The following ST6GALNAC6 variants were observed in gnomAD, a reference collection of about 807,000 sequenced individuals.
The protein encoded by ST6GALNAC6 is alpha-N-acetylgalactosaminide alpha-2,6-sialyltransferase 6.
In ST6GALNAC6, 19 loss-of-function variants were observed where a neutral mutation model predicts 34.3. The observed-to-expected ratio is 0.55, with a 90% CI of 0.39 to 0.81. The LOEUF is 0.81. ST6GALNAC6 is among the 40% of genes least tolerant of loss of function. ST6GALNAC6 has a pLI of 0.00. For missense variants in ST6GALNAC6, 377 were observed against 467.7 expected (o/e 0.81, Z 1.79); for synonymous variants, 185 against 182.1 (o/e 1.02, Z -0.13).
upstream of ST6GALNAC6, among the ~76,000 whole-genome samples, chr9:127,902,658 G>A (rs1018211454): frequency 6.8e-6 from 1 of 147,046 alleles, no homozygotes; most frequent in African/African-American, 2.5e-5. Context: ...GCGCGATCTC[G>A]GCTCACTGCA....
At chr9:127,893,664 C>T (rs1327588502) in intron 4 of ST6GALNAC6, among the ~76,000 whole-genome samples, 1 of 152,222 alleles carries the variant, frequency 6.6e-6, no homozygotes, top group Non-Finnish European at 1.5e-5. Context: ...TCTCTCCTTT[C>T]CACATCACCC....
intron 1 of ST6GALNAC6, 108 bp downstream of exon 1, chr9:127,899,395 T>G: frequency 1.7e-6 from 1 of 599,886 alleles, no homozygotes; most frequent in Non-Finnish European, 2.1e-6. Flanking sequence ...GGGACCCGCA[T>G]CCATCCCCAT....
chr9:127,896,761 C>T, intron 2 of ST6GALNAC6: 2 of 686,308 alleles, frequency 2.9e-6, no homozygotes, highest in South Asian at 6.5e-5. Flanking sequence ...GCCTGGAACG[C>T]CCTCCCTCCT....
Position 127,890,509 on chromosome 9 carries a change from C to A in ST6GALNAC6, c.704+128G>T, listed in dbSNP as rs1265126011. ...ATGAAGAGAACTCTCCTAGGAGGCC[C>A]AACCAGAGGACGGCGGGACTTGACT... On this transcript the variant is annotated intron_variant, in intron 5 of 6. Transcript: ENST00000373146. This position sits in a 1 kb window ranked among gnomAD's most constrained non-coding sequence, Gnocchi z 4.3. 7.3e-7 allele frequency: 1 copy of A among 1,370,794 alleles called. No homozygotes were observed. The highest frequency in any genetic ancestry group is 2.3e-5 in the Admixed American group (1 of 44,390). 84.9% of individuals were successfully genotyped at this position (1,370,794 alleles called of 1,614,324 possible).
rs1251305163 is a variant in ST6GALNAC6 at position 127,899,550 on chromosome 9, A to C, written c.-77T>G. On this transcript the variant is annotated 5_prime_UTR_variant, in exon 1 of 7. The change abolishes an upstream ATG in the 5' untranslated region. Transcript: ENST00000373146. ...CCCCGCGGCCCCCGAGCCCCCTCACATGGCGCCGGGAGCCGAGCGCCGGGG... is the reference window on the plus strand; with the variant it reads ...CCCCGCGGCCCCCGAGCCCCCTCACCTGGCGCCGGGAGCCGAGCGCCGGGG... 3.1e-6 allele frequency: 3 copies of C among 980,060 alleles called. No homozygotes were observed. Among genetic ancestry groups the C allele is most frequent in the South Asian group, 9.4e-5 (2 of 21,288 alleles). The allele number at this position is 980,060 out of a possible 1,614,324, so 60.7% of individuals were successfully genotyped here.
intron 3 of ST6GALNAC6, 127 bp downstream of exon 3, chr9:127,896,115 G>C: frequency 9.0e-7 from 1 of 1,115,696 alleles, no homozygotes; most frequent in Non-Finnish European, 1.3e-6. Context: ...GGCCTCCCAG[G>C]CATGGGCAGC....
intron 3 of ST6GALNAC6, 109 bp from the exon 4 acceptor site, chr9:127,894,800 G>A (rs1830353306): frequency 2.4e-6 from 3 of 1,267,116 alleles, no homozygotes; most frequent in Non-Finnish European, 3.3e-6. Flanking sequence ...TTGCAGACCA[G>A]GTCAGGCACT....
upstream of ST6GALNAC6, among the ~76,000 whole-genome samples, chr9:127,900,991 C>CAAAAAAAAAAAAAAAAAAAAAAAAAA (rs56673204): frequency 3.3e-5 from 2 of 61,006 alleles, no homozygotes; most frequent in African/African-American, 1.4e-4. Flanking sequence ...AACTCCCTAT[C>CAAAAAAAAAAAAAAAAAAAAAAAAAA]AAAAAAAAAA....
At position 127,885,637 on chromosome 9, in the gene ST6GALNAC6, G is replaced by A. The variant is rs1829712789; in HGVS notation, c.*962C>T. On this transcript the variant is annotated 3_prime_UTR_variant, in exon 7 of 7. Coordinates refer to ENST00000373146, the MANE Select transcript of ST6GALNAC6 (RefSeq NM_013443.5). Reference sequence around the variant, plus strand: ...AGGGAGACCCTCGGAAGCCCCCAGTGACTCCAGACAAAGGGGCAGCCCCAA... The same window carrying A: ...AGGGAGACCCTCGGAAGCCCCCAGTAACTCCAGACAAAGGGGCAGCCCCAA... The A allele has an allele frequency of 6.6e-6, 1 of 152,268 alleles. No individual in the cohort carries two copies. The highest frequency in any genetic ancestry group is 1.5e-5 in the Non-Finnish European group (1 of 68,090). 9.4% of individuals were successfully genotyped at this position (152,268 alleles called of 1,614,324 possible).
Position 127,896,333 on chromosome 9 carries a change from C to G in ST6GALNAC6, c.27-1G>C, listed in dbSNP as rs1830453675. On this transcript the variant is annotated splice_acceptor_variant, in intron 2 of 6. Coordinates refer to ENST00000373146, the MANE Select transcript of ST6GALNAC6 (RefSeq NM_013443.5). LOFTEE classifies it high-confidence loss of function. The stretch of plus-strand genomic sequence containing the variant: ...TGGGGGCAGGGATGTGGGTTCACAC[C>G]TGCAAGCCACCAGAAAGGGTTATTA... 2 of 1,608,454 alleles carry G rather than the reference C, an allele frequency of 1.2e-6. No homozygotes were observed. Among genetic ancestry groups the G allele is most frequent in the African/African-American group, 2.7e-5 (2 of 74,860 alleles).
chr9:127,900,017 A>C (rs970303835), upstream of ST6GALNAC6, among the ~76,000 whole-genome samples: 4 of 152,192 alleles, frequency 2.6e-5, no homozygotes, highest in African/African-American at 9.7e-5. Context: ...CCTCAGATTC[A>C]AGTTAACCTC....
Position 127,896,131 on chromosome 9 carries a change from G to A in ST6GALNAC6, c.117+111C>T, listed in dbSNP as rs887861933. The A allele has an allele frequency of 1.9e-4, 242 of 1,274,846 alleles. No homozygotes were observed. In the African/African-American group the frequency reaches 3.2e-3, roughly 17 times the overall value. 79.0% of individuals were successfully genotyped at this position (1,274,846 alleles called of 1,614,324 possible). ...GCCTCCCAGGCATGGGCAGCTTCTT[G>A]CGGGGAAGAAGAGACTCGTGGTGGC... is the stretch of plus-strand genomic sequence containing the variant. On this transcript the variant is annotated intron_variant, in intron 3 of 6. Transcript: ENST00000373146.
chr9:127,905,454 T>C (rs1367260809), upstream of ST6GALNAC6: 5 of 985,324 alleles, frequency 5.1e-6, no homozygotes, highest in Admixed American at 1.2e-4. Flanking sequence ...CTCTGTGTCC[T>C]GGGCCCAAGG....
Position 127,894,607 on chromosome 9 carries a change from A to T in ST6GALNAC6, c.202T>A (p.Phe68Ile). ...LYSSNSANEV[F>I]HYGSLRGRSR... Reference sequence around the variant, plus strand: ...CGGCCCCGCAGGGAGCCGTAATGGAAGACCTCATTGGCACTGTTGGAGCTG... The same window carrying T: ...CGGCCCCGCAGGGAGCCGTAATGGATGACCTCATTGGCACTGTTGGAGCTG... Residue 68 changes from phenylalanine to isoleucine, a missense_variant, in exon 4 of 7, where the codon TTC (phenylalanine) becomes ATC (isoleucine). Coordinates refer to ENST00000373146, the MANE Select transcript of ST6GALNAC6 (RefSeq NM_013443.5). The T allele has an allele frequency of 1.2e-6, 2 of 1,614,194 alleles. No homozygotes were observed. Among genetic ancestry groups the T allele is most frequent in the Non-Finnish European group, 1.7e-6 (2 of 1,180,028 alleles).
At chr9:127,902,864 C>T (rs911765781), upstream of ST6GALNAC6, among the ~76,000 whole-genome samples, 2 of 151,112 alleles carry the variant, frequency 1.3e-5, no homozygotes, top group Non-Finnish European at 2.9e-5. Flanking sequence ...GCTAGGATTA[C>T]AGGCATGAGT....
At chr9:127,896,617 G>A (rs1168708576) in intron 2 of ST6GALNAC6, among the ~76,000 whole-genome samples, 1 of 152,202 alleles carries the variant, frequency 6.6e-6, no homozygotes, top group Non-Finnish European at 1.5e-5. Context: ...CCTGCTGGAG[G>A]ACCTGACCTC....
chr9:127,899,539 A>C lies in ST6GALNAC6; in HGVS notation c.-66T>G. 1.0e-6 allele frequency: 1 copy of C among 980,600 alleles called. No homozygotes were observed. The highest frequency in any genetic ancestry group is 1.2e-6 in the Non-Finnish European group (1 of 828,018). The allele number at this position is 980,600 out of a possible 1,614,324, so 60.7% of individuals were successfully genotyped here. ...AGCGCCCGGCCCCCCGCGGCCCCCGAGCCCCCTCACATGGCGCCGGGAGCC... is the reference window on the plus strand; with the variant it reads ...AGCGCCCGGCCCCCCGCGGCCCCCGCGCCCCCTCACATGGCGCCGGGAGCC... On this transcript the variant is annotated 5_prime_UTR_variant, in exon 1 of 7. Transcript: ENST00000373146.
intron 2 of ST6GALNAC6, chr9:127,896,915 AC>A: frequency 1.0e-6 from 1 of 985,190 alleles, no homozygotes; most frequent in Non-Finnish European, 1.2e-6. Flanking sequence ...CTCCACAGCC[AC>A]GGAGATTCAG....
rs907466956 is a variant in ST6GALNAC6, at chr9:127,887,394, C to A, written c.812+90G>T. On this transcript the variant is annotated intron_variant, in intron 6 of 6. Transcript: ENST00000373146. ...AATGAAGCAGAGGCCCTCAAAGGCA[C>A]CTTCAGCCAAGGTTTCCAGCCCCTA... The A allele has an allele frequency of 8.2e-6, 9 of 1,093,842 alleles. No individual in the cohort carries two copies. The Admixed American group carries it at 1.0e-4, about 12-fold the overall frequency. 67.8% of individuals were successfully genotyped at this position (1,093,842 alleles called of 1,614,324 possible). A position where few individuals can be genotyped will look rare whatever the true frequency, so the allele number is the denominator to read the frequency against.
Sources: gnomAD v4.1 joint callset for allele counts (sites outside exome capture counted in the v4.1 genomes callset) on GRCh38, gnomAD v4.1.1 for gene constraint, Gnocchi (gnomAD v3.1) non-coding constraint, MANE v1.5 for transcripts, NCBI Gene and HGNC (gene_info 2026-07-23, HGNC 2026-07-21) for gene names.